Variants in SKAP1 observed in about 807,000 individuals in gnomAD.
SKAP1 encodes the protein src kinase associated phosphoprotein 1.
A neutral mutation model predicts 58.5 loss-of-function variants in SKAP1; 44 were observed. That is an observed-to-expected ratio of 0.75 (90% confidence interval 0.59 to 0.97). SKAP1 has a LOEUF of 0.97. SKAP1 is among the 50% of genes least tolerant of loss of function. The pLI is 0.00. For synonymous variants in SKAP1, 127 were observed against 149.7 expected, an observed-to-expected ratio of 0.85 and a Z score of 1.11; for missense variants, 390 against 435.2, an observed-to-expected ratio of 0.90 and a Z score of 0.92.
chr17:48,140,481 A>AT (rs1042935101), intron 11 of SKAP1, among the ~76,000 whole-genome samples: 3 of 152,056 alleles, frequency 2.0e-5, no homozygotes, highest in African/African-American at 7.2e-5. Flanking sequence ...GCAATCCCAT[A>AT]TATCTCTGTA....
At chr17:48,174,473 T>C (rs535262306) in intron 9 of SKAP1, among the ~76,000 whole-genome samples, 8 of 152,288 alleles carry the variant, frequency 5.3e-5, no homozygotes. Context: ...ATACAAGTTA[T>C]CTCAGATCTT....
At chr17:48,346,902 C>T (rs1257622841) in intron 3 of SKAP1, among the ~76,000 whole-genome samples, 2 of 152,114 alleles carry the variant, frequency 1.3e-5, no homozygotes, top group Non-Finnish European at 1.5e-5. Context: ...CCTAGGCAAC[C>T]GACCTCTTAG....
intron 2 of SKAP1, among the ~76,000 whole-genome samples, chr17:48,383,864 C>A (rs921047491): frequency 1.3e-4 from 20 of 151,754 alleles, no homozygotes; most frequent in Non-Finnish European, 2.8e-4. Flanking sequence ...TTACAGGCGC[C>A]CGCCATCATC....
At chr17:48,352,351 A>G (rs1040359974) in intron 3 of SKAP1, among the ~76,000 whole-genome samples, 1 of 152,220 alleles carries the variant, frequency 6.6e-6, no homozygotes, top group Non-Finnish European at 1.5e-5. Context: ...ACTAAAATGG[A>G]ACCTGCTGAG....
chr17:48,180,215 T>A lies in SKAP1; in HGVS notation c.665A>T (p.Asp222Val), dbSNP rs758197913. The part of the protein sequence containing the change: ...LSSLTIPYEE[D>V]EEEEEKEETY... The stretch of plus-strand genomic sequence containing the variant: ...CTCTTCTTTTTCTTCTTCCTCCTCA[T>A]CCTCTTCATATGGAATGGTTAAGGA... Residue 222 changes from aspartate (D) to valine (V), a missense_variant, in exon 9 of 13, where the codon GAT becomes GTT. Physicochemically the swap from Asp to Val is radical, Grantham distance 152. Coordinates refer to ENST00000336915, the MANE Select transcript of SKAP1 (RefSeq NM_003726.4). 6 of 1,604,254 alleles carry A rather than the reference T, an allele frequency of 3.7e-6. No homozygotes were observed. In the South Asian group the frequency reaches 6.7e-5, roughly 18 times the overall value.
intron 4 of SKAP1, chr17:48,308,909 C>T (rs892329145): frequency 4.6e-5 from 7 of 152,024 alleles, no homozygotes; most frequent in Non-Finnish European, 8.8e-5. Flanking sequence ...TTTATTTGAG[C>T]TCAGTTCCTC....
At chr17:48,360,924 T>C (rs975550553) in intron 3 of SKAP1, among the ~76,000 whole-genome samples, 1 of 152,062 alleles carries the variant, frequency 6.6e-6, no homozygotes, top group Non-Finnish European at 1.5e-5. Flanking sequence ...TTCAACAACC[T>C]TGCAATGAGA....
intron 4 of SKAP1, among the ~76,000 whole-genome samples, chr17:48,319,568 G>C (rs867813246): frequency 3.3e-5 from 5 of 152,222 alleles, no homozygotes; most frequent in African/African-American, 1.2e-4. Flanking sequence ...TTCTGGGCCA[G>C]GTGTGGTGGC....
chr17:48,403,819 G>C (rs778413294), intron 1 of SKAP1, among the ~76,000 whole-genome samples: 1 of 152,168 alleles, frequency 6.6e-6, no homozygotes, highest in Non-Finnish European at 1.5e-5. Flanking sequence ...GGGCACAGTG[G>C]GTAACGCCTG....
chr17:48,197,257 C>CAAAAAA lies in SKAP1; in HGVS notation c.281-7763_281-7758dup, dbSNP rs35979686. The stretch of plus-strand genomic sequence containing the variant: ...TAGGTGATAGAGCGAGACTCCGACT[C>CAAAAAA]AAAAAAAAAAAAAAAAAAAATGCTG... On this transcript the variant is annotated intron_variant, in intron 4 of 12. Transcript: ENST00000336915. Among the ~76,000 whole-genome samples the CAAAAAA allele has an allele frequency of 7.2e-5, 7 of 97,608 alleles. 1 individual carries two copies. The highest frequency in any genetic ancestry group is 1.2e-4 in the Admixed American group (1 of 8,094). The allele number at this position is 97,608 out of a possible 152,430, so 64.0% of individuals were successfully genotyped here. A position where few individuals can be genotyped will look rare whatever the true frequency, so the allele number is the denominator to read the frequency against.
At chr17:48,352,540 CA>C (rs773773536) in intron 3 of SKAP1, among the ~76,000 whole-genome samples, 3 of 152,104 alleles carry the variant, frequency 2.0e-5, no homozygotes, top group Non-Finnish European at 4.4e-5. Flanking sequence ...ACTGTATTCT[CA>C]GTCCTTAATT....
chr17:48,440,361 G>A, the SKAP1 span, among the ~76,000 whole-genome samples: 1 of 152,186 alleles, frequency 6.6e-6, no homozygotes, highest in African/African-American at 2.4e-5. Flanking sequence ...TTCCTCTACT[G>A]TCTGAGCAGG....
intron 11 of SKAP1, among the ~76,000 whole-genome samples, chr17:48,160,361 C>T (rs760477677): frequency 1.3e-5 from 2 of 152,034 alleles, no homozygotes; most frequent in Admixed American, 6.5e-5. Flanking sequence ...TGGTCTTGAA[C>T]TCTTGGGCTC....
rs911162279 is a variant in SKAP1 at position 48,272,414 on chromosome 17, G to A, written c.280+73491C>T. Among the ~76,000 whole-genome samples, 8 of 152,122 alleles carry A rather than the reference G, an allele frequency of 5.3e-5. No individual in the cohort carries two copies. The East Asian group carries it at 1.5e-3, about 29-fold the overall frequency. On this transcript the variant is annotated intron_variant, in intron 4 of 12. Coordinates refer to ENST00000336915, the MANE Select transcript of SKAP1 (RefSeq NM_003726.4). The stretch of plus-strand genomic sequence containing the variant: ...CCCAGGGTGCTGGGATTACAGGCGT[G>A]AGACATCGTGTTCCTCTTCCTTTTT...
chr17:48,364,084 C>T (rs1266936859), intron 2 of SKAP1, among the ~76,000 whole-genome samples: 3 of 152,170 alleles, frequency 2.0e-5, no homozygotes, highest in Non-Finnish European at 4.4e-5. Context: ...CTAGCGGTGG[C>T]CTGGGGTTTC....
At chr17:48,280,005 C>G (rs1481798839) in intron 4 of SKAP1, among the ~76,000 whole-genome samples, 3 of 152,062 alleles carry the variant, frequency 2.0e-5, no homozygotes, top group African/African-American at 7.2e-5. Flanking sequence ...AGAAAATATA[C>G]TTATTTCTCA....
chr17:48,151,226 C>T (rs2063899498), intron 11 of SKAP1, among the ~76,000 whole-genome samples: 1 of 152,194 alleles, frequency 6.6e-6, no homozygotes, highest in African/African-American at 2.4e-5. Flanking sequence ...GTGACAGCTA[C>T]CCCAGGACAT....
chr17:48,179,904 C>T, intron 9 of SKAP1, 150 bp downstream of exon 9: 1 of 667,932 alleles, frequency 1.5e-6, no homozygotes. Context: ...TACCCACTTC[C>T]CTACAATCTC....
intron 4 of SKAP1, among the ~76,000 whole-genome samples, chr17:48,280,367 G>C (rs1185585997): frequency 6.6e-6 from 1 of 151,992 alleles, no homozygotes; most frequent in Non-Finnish European, 1.5e-5. Flanking sequence ...CTACTTGGGA[G>C]GCTGAGGCAG....
Sources: gnomAD v4.1 joint callset for allele counts (sites outside exome capture counted in the v4.1 genomes callset) on GRCh38, gnomAD v4.1.1 for gene constraint, MANE v1.5 for transcripts, NCBI Gene and HGNC (gene_info 2026-07-23, HGNC 2026-07-21) for gene names.